NME7: variants seen among roughly 807,000 people sequenced by gnomAD.
NME7 encodes NME/NM23 family member 7, also known as nucleoside diphosphate kinase 7.
A neutral mutation model predicts 49.1 loss-of-function variants in NME7; 41 were observed. The observed-to-expected ratio is 0.83, with a 90% CI of 0.65 to 1.08. The LOEUF (loss-of-function observed/expected upper bound fraction) is 1.08. Among genes scored for constraint, NME7 ranks in the 50% least tolerant of loss-of-function variants. The pLI is 0.00. For synonymous variants in NME7, 139 were observed against 150.6 expected, an observed-to-expected ratio of 0.92 and a Z score of 0.56; for missense variants, 423 against 463.4, an observed-to-expected ratio of 0.91 and a Z score of 0.80.
intron 10 of NME7, among the ~76,000 whole-genome samples, chr1:169,170,905 G>A (rs1659568404): frequency 6.6e-6 from 1 of 151,522 alleles, no homozygotes; most frequent in African/African-American, 2.4e-5. Context: ...CAGCCTGGAC[G>A]ACAGATCAGA....
rs879627278 is a variant in NME7, at chr1:169,249,220, CT to C, written c.755-11534del. Among the ~76,000 whole-genome samples the C allele has an allele frequency of 2.0e-5, 3 of 151,736 alleles. No individual in the cohort carries two copies. In the East Asian group the frequency reaches 5.8e-4, roughly 29 times the overall value. On this transcript the variant is annotated intron_variant, in intron 7 of 11. Coordinates refer to ENST00000367811, the MANE Select transcript of NME7 (RefSeq NM_013330.5). ...TTTACCTCCTTGGTTAAATATATTC[CT>C]AGGTAATTTATTTTTTTCCAGCTGT...
At chr1:169,335,581 G>A (rs1406341347) in intron 1 of NME7, among the ~76,000 whole-genome samples, 1 of 151,544 alleles carries the variant, frequency 6.6e-6, no homozygotes, top group Non-Finnish European at 1.5e-5. Flanking sequence ...AGGGAACTTA[G>A]GGGACGAGTC....
chr1:169,355,499 A>G (rs1653438922), intron 1 of NME7, among the ~76,000 whole-genome samples: 1 of 148,926 alleles, frequency 6.7e-6, no homozygotes, highest in Non-Finnish European at 1.5e-5. Context: ...TCTTTATCTC[A>G]TCTGCCTCAC....
At chr1:169,189,237 T>C (rs1053263982) in intron 10 of NME7, among the ~76,000 whole-genome samples, 1 of 152,180 alleles carries the variant, frequency 6.6e-6, no homozygotes, top group Admixed American at 6.5e-5. Flanking sequence ...AGAGTTAACT[T>C]ATACATATTA....
At chr1:169,180,365 C>A (rs1409291931) in intron 10 of NME7, among the ~76,000 whole-genome samples, 1 of 152,196 alleles carries the variant, frequency 6.6e-6, no homozygotes, top group East Asian at 1.9e-4. Flanking sequence ...CCCTTGTCAG[C>A]ACAATTGCTG....
chr1:169,233,134 T>G (rs35159355), intron 9 of NME7, among the ~76,000 whole-genome samples: 56,954 of 151,368 alleles, frequency 0.38, 11,384 homozygotes, highest in East Asian at 0.78. Flanking sequence ...AAGAAATGCA[T>G]TGTATTGTTG....
At chr1:169,263,199 C>T (rs1649218778) in intron 7 of NME7, among the ~76,000 whole-genome samples, 1 of 134,092 alleles carries the variant, frequency 7.5e-6, no homozygotes, top group African/African-American at 2.5e-5. Context: ...GCTGAAGTGC[C>T]TTCTTTCTTC....
At chr1:169,228,701 A>G (rs927560935) in intron 10 of NME7, among the ~76,000 whole-genome samples, 101 of 151,582 alleles carry the variant, frequency 6.7e-4, no homozygotes, top group African/African-American at 2.4e-3. Flanking sequence ...AAAAAAAAAA[A>G]AAAAAGTACA....
At chr1:169,160,935 G>A (rs145794636) in intron 11 of NME7, among the ~76,000 whole-genome samples, 8 of 152,196 alleles carry the variant, frequency 5.3e-5, no homozygotes, top group Non-Finnish European at 8.8e-5. Flanking sequence ...AGCAATTCAG[G>A]AAACCAGAAT....
chr1:169,245,497 T>C (rs537797966), intron 7 of NME7, among the ~76,000 whole-genome samples: 1 of 152,188 alleles, frequency 6.6e-6, no homozygotes, highest in East Asian at 1.9e-4. Context: ...TTTTTAAAAA[T>C]GAAAAAATGT....
chr1:169,322,692 A>ATCG (rs1651899247), intron 3 of NME7, among the ~76,000 whole-genome samples: 1 of 151,026 alleles, frequency 6.6e-6, no homozygotes, highest in Non-Finnish European at 1.5e-5. Context: ...ATATATATAT[A>ATCG]TCTGTTAACA....
At chr1:169,197,117 T>TA (rs1660400781) in intron 10 of NME7, among the ~76,000 whole-genome samples, 1 of 152,068 alleles carries the variant, frequency 6.6e-6, no homozygotes, top group Non-Finnish European at 1.5e-5. Context: ...TACAATAATA[T>TA]AAGTAAATAA....
intron 11 of NME7, among the ~76,000 whole-genome samples, chr1:169,139,366 A>T (rs1658525791): frequency 6.6e-6 from 1 of 152,166 alleles, no homozygotes; most frequent in Non-Finnish European, 1.5e-5. Context: ...AAGTTTTTTG[A>T]GCTAATAATT....
At position 169,330,740 on chromosome 1, in the gene NME7, T is replaced by C. The variant is rs776716909; in HGVS notation, c.4-6240A>G. On this transcript the variant is annotated intron_variant, in intron 1 of 11. Coordinates refer to ENST00000367811, the MANE Select transcript of NME7 (RefSeq NM_013330.5). ...CTGGAGAAATTAAAAAAATCTTTAGTGGCTACTACAAGCAACTATATGCCA... is the reference window on the plus strand; with the variant it reads ...CTGGAGAAATTAAAAAAATCTTTAGCGGCTACTACAAGCAACTATATGCCA... Among the ~76,000 whole-genome samples, 4 of 152,092 alleles carry C rather than the reference T, an allele frequency of 2.6e-5. No individual in the cohort carries two copies. The South Asian group carries it at 8.3e-4, about 31-fold the overall frequency.
intron 7 of NME7, among the ~76,000 whole-genome samples, chr1:169,252,821 C>T (rs1161516427): frequency 2.7e-5 from 4 of 148,202 alleles, no homozygotes; most frequent in Non-Finnish European, 4.5e-5. Context: ...AATAGGGAAT[C>T]CTTTCCCCAT....
chr1:169,334,062 C>A (rs995173268), intron 1 of NME7, among the ~76,000 whole-genome samples: 3 of 152,174 alleles, frequency 2.0e-5, no homozygotes, highest in African/African-American at 7.2e-5. Context: ...TTCTTTAAAT[C>A]ATACTAAATG....
At chr1:169,185,017 T>G (rs1374108649) in intron 10 of NME7, among the ~76,000 whole-genome samples, 5 of 152,076 alleles carry the variant, frequency 3.3e-5, no homozygotes, top group African/African-American at 1.2e-4. Flanking sequence ...CAAAGTGCTA[T>G]AAGGGGAGCA....
chr1:169,249,726 T>A (rs1648481100), intron 7 of NME7, among the ~76,000 whole-genome samples: 1 of 152,136 alleles, frequency 6.6e-6, no homozygotes, highest in Admixed American at 6.6e-5. Flanking sequence ...TCTGCATCTA[T>A]TCAGATGATC....
chr1:169,171,805 T>C (rs1019416775), intron 10 of NME7, among the ~76,000 whole-genome samples: 5 of 118,088 alleles, frequency 4.2e-5, no homozygotes, highest in African/African-American at 1.4e-4. Flanking sequence ...AATTCCTGGC[T>C]GTTTTTTTTT....
Sources: allele counts gnomAD v4.1 joint callset (sites outside exome capture counted in the v4.1 genomes callset), GRCh38; gene constraint gnomAD v4.1.1; transcripts MANE v1.5; gene names NCBI Gene and HGNC (gene_info 2026-07-23, HGNC 2026-07-21).